USP37: variants seen among roughly 807,000 people sequenced by gnomAD.
The protein encoded by USP37 is ubiquitin carboxyl-terminal hydrolase 37.
In USP37, 27 loss-of-function variants were observed where a neutral mutation model predicts 124.0. The observed-to-expected ratio is 0.22, with a 90% CI of 0.16 to 0.30. The LOEUF (loss-of-function observed/expected upper bound fraction) is 0.30. USP37 is among the 10% of genes least tolerant of loss of function. The probability of loss-of-function intolerance (pLI) is 1.00; values close to 1 mark genes in which losing one functional copy is unlikely to be tolerated. For missense variants in USP37, 889 were observed against 1,140.4 expected (o/e 0.78, Z 3.17); for synonymous variants, 365 against 388.0 (o/e 0.94, Z 0.70).
intron 11 of USP37, among the ~76,000 whole-genome samples, chr2:218,499,340 G>C (rs1056385595): frequency 6.6e-6 from 1 of 151,992 alleles, no homozygotes; most frequent in African/African-American, 2.4e-5. Flanking sequence ...TTCCAGAAGA[G>C]ATGCAAAAAT....
At chr2:218,566,920 A>C (rs1368081925) in intron 1 of USP37, among the ~76,000 whole-genome samples, 1 of 152,126 alleles carries the variant, frequency 6.6e-6, no homozygotes, top group Non-Finnish European at 1.5e-5. Flanking sequence ...GAGAAGAAAG[A>C]ATTTCGATAT....
chr2:218,513,243 T>C (rs776830953), intron 10 of USP37, among the ~76,000 whole-genome samples: 1 of 152,022 alleles, frequency 6.6e-6, no homozygotes. Context: ...TGTTGACCAG[T>C]TGGTCTCAAA....
At chr2:218,465,091 G>C (rs1295675393) in intron 21 of USP37, among the ~76,000 whole-genome samples, 1 of 151,072 alleles carries the variant, frequency 6.6e-6, no homozygotes, top group Non-Finnish European at 1.5e-5. Flanking sequence ...TAAATAAACA[G>C]GAAGACAGAT....
Position 218,556,503 on chromosome 2 carries a change from G to GTTTTT in USP37, c.156+1990_156+1994dup, listed in dbSNP as rs34907421. On this transcript the variant is annotated intron_variant, in intron 4 of 25. Transcript: ENST00000258399. ...GTATTTGGTTACTCTGGGTTTTTCT[G>GTTTTT]TTTTTTTTTTTTTTTTTTTTTTTTT... Among the ~76,000 whole-genome samples, 10 of 53,826 alleles carry GTTTTT rather than the reference G, an allele frequency of 1.9e-4. 3 individuals carry two copies. The highest frequency in any genetic ancestry group is 3.0e-4 in the African/African-American group (5 of 16,684). 35.3% of individuals were successfully genotyped at this position (53,826 alleles called of 152,430 possible). A position where few individuals can be genotyped will look rare whatever the true frequency, so the allele number is the denominator to read the frequency against.
chr2:218,543,517 A>C (rs1473521017), intron 8 of USP37, among the ~76,000 whole-genome samples: 12 of 150,160 alleles, frequency 8.0e-5, no homozygotes, highest in Non-Finnish European at 1.2e-4. Flanking sequence ...AAAAAAAAAA[A>C]AAAAAAAAAA....
At chr2:218,556,986 A>G (rs1263891143) in intron 4 of USP37, among the ~76,000 whole-genome samples, 6 of 152,158 alleles carry the variant, frequency 3.9e-5, no homozygotes, top group Admixed American at 3.3e-4. Context: ...CCTCAACCTT[A>G]TAAGTAGCTG....
rs1691304711 is a variant in USP37, at chr2:218,482,189, G to C, written c.1716C>G (p.Leu572=). 2 of 1,613,862 alleles carry C rather than the reference G, an allele frequency of 1.2e-6. No individual in the cohort carries two copies. Among genetic ancestry groups the C allele is most frequent in the Non-Finnish European group, 1.7e-6 (2 of 1,179,916 alleles). Residue 572 remains leucine (L), a synonymous_variant, in exon 17 of 26, where the codon CTC becomes CTG. Coordinates refer to ENST00000258399, the MANE Select transcript of USP37 (RefSeq NM_020935.3). ...HLKRYSFNVA[L]SLNNKIGQQV... ...GCTGCCCAATCTTATTGTTAAGCGA[G>C]AGAGCCACATTGAAGCTATATCGTT...
intron 20 of USP37, among the ~76,000 whole-genome samples, chr2:218,468,422 C>T (rs1690489464): frequency 6.6e-6 from 1 of 151,736 alleles, no homozygotes; most frequent in African/African-American, 2.4e-5. Context: ...GGGGTTTCAC[C>T]ATGTTGGTCA....
At chr2:218,460,400 G>A (rs1301421796) in intron 22 of USP37, among the ~76,000 whole-genome samples, 4 of 152,088 alleles carry the variant, frequency 2.6e-5, no homozygotes, top group African/African-American at 4.8e-5. Context: ...TGGGGAACAC[G>A]GGAGACATGG....
Position 218,474,755 on chromosome 2 carries a change from C to T in USP37, c.2174G>A (p.Ser725Asn). 6.2e-7 allele frequency: 1 copy of T among 1,614,146 alleles called. No individual in the cohort carries two copies. The highest frequency in any genetic ancestry group is 8.5e-7 in the Non-Finnish European group (1 of 1,180,030). Residue 725 changes from serine (S) to asparagine (N), a missense_variant, in exon 20 of 26, where the codon AGT becomes AAT. Coordinates refer to ENST00000258399, the MANE Select transcript of USP37 (RefSeq NM_020935.3). ...AGTTGGCTTATCATCATCTTCATGA[C>T]TCAGAGATGGTGAAGCATCTCTCTT... is the stretch of plus-strand genomic sequence containing the variant. ...ISKRDASPSL[S>N]HEDDDKPTSS...
In USP37 at chr2:218,497,865, A is replaced by G. The variant is rs1559187281; in HGVS notation, c.1158-8T>C. On this transcript the variant is annotated splice_polypyrimidine_tract_variant and splice_region_variant and intron_variant, in intron 12 of 25. Transcript: ENST00000258399. ...AGCAAGTGTGCAAAGCGTCTAGTAAAACAAAAAACACAAAGTTAGCACGTT... is the reference window on the plus strand; with the variant it reads ...AGCAAGTGTGCAAAGCGTCTAGTAAGACAAAAAACACAAAGTTAGCACGTT... 1 of 1,610,594 alleles carries G rather than the reference A, an allele frequency of 6.2e-7. No individual in the cohort carries two copies. The highest frequency in any genetic ancestry group is 2.2e-5 in the East Asian group (1 of 44,844).
At chr2:218,534,837 A>G in intron 8 of USP37, 131 bp from the exon 9 acceptor site, 1 of 472,196 alleles carries the variant, frequency 2.1e-6, no homozygotes. Context: ...ATTAAGCTAC[A>G]AGATTGTTAG....
chr2:218,476,708 G>T, intron 19 of USP37, 132 bp downstream of exon 19: 1 of 1,040,174 alleles, frequency 9.6e-7, no homozygotes, highest in South Asian at 2.6e-5. Context: ...TCTGTAAACA[G>T]ACTGATTTCT....
chr2:218,489,730 G>C (rs917794483), intron 14 of USP37, among the ~76,000 whole-genome samples: 3 of 151,798 alleles, frequency 2.0e-5, no homozygotes, highest in Non-Finnish European at 4.4e-5. Context: ...CACCTGCCTC[G>C]GCCTCCCAAA....
chr2:218,459,852 C>T lies in USP37; in HGVS notation c.2581G>A (p.Glu861Lys). The change falls in exon 23 of 26, where the codon GAG becomes AAG. Residue 861 changes from glutamate (E) to lysine (K), a missense_variant. Physicochemically the swap from Glu to Lys is moderately conservative, Grantham distance 56. Transcript: ENST00000258399. Reference protein sequence around the residue: ...ALGSDEDSGNEDVFDMEYTEA... With the variant: ...ALGSDEDSGNKDVFDMEYTEA... Reference sequence around the variant, plus strand: ...GTGTACTCCATATCAAAAACATCCTCATTTCCAGAGTCCTCATCAGAACCC... The same window carrying T: ...GTGTACTCCATATCAAAAACATCCTTATTTCCAGAGTCCTCATCAGAACCC... The T allele has an allele frequency of 6.2e-7, 1 of 1,613,958 alleles. No homozygotes were observed. The highest frequency in any genetic ancestry group is 8.5e-7 in the Non-Finnish European group (1 of 1,179,916).
At chr2:218,556,456 T>C (rs980867282) in intron 4 of USP37, among the ~76,000 whole-genome samples, 1 of 151,380 alleles carries the variant, frequency 6.6e-6, no homozygotes, top group Admixed American at 6.6e-5. Context: ...AGGATCTTTG[T>C]AATGTTTTTA....
intron 10 of USP37, among the ~76,000 whole-genome samples, chr2:218,527,703 G>C (rs1020548563): frequency 6.6e-6 from 1 of 152,118 alleles, no homozygotes; most frequent in Non-Finnish European, 1.5e-5. Flanking sequence ...TTAAAACTTA[G>C]ATTTAAGATT....
intron 10 of USP37, among the ~76,000 whole-genome samples, chr2:218,511,553 G>A (rs1689998915): frequency 1.3e-5 from 2 of 151,856 alleles, no homozygotes; most frequent in South Asian, 2.1e-4. Context: ...CAGGTGACCT[G>A]CCCGCCTCGG....
In USP37 at chr2:218,453,673, G is replaced by A. The variant is rs755415130; in HGVS notation, c.*1257C>T. 5 of 152,036 alleles carry A rather than the reference G, an allele frequency of 3.3e-5. No homozygotes were observed. The highest frequency in any genetic ancestry group is 5.9e-5 in the Non-Finnish European group (4 of 68,018). 9.4% of individuals were successfully genotyped at this position (152,036 alleles called of 1,614,324 possible). ...GACTAGCATAGCACTTAATGTTGCC[G>A]CTCTACTTTGCCTCAACTCAGAGCA... On this transcript the variant is annotated 3_prime_UTR_variant, in exon 26 of 26. Transcript: ENST00000258399.
Sources: gnomAD v4.1 joint callset for allele counts (sites outside exome capture counted in the v4.1 genomes callset) on GRCh38, gnomAD v4.1.1 for gene constraint, MANE v1.5 for transcripts, NCBI Gene and HGNC (gene_info 2026-07-23, HGNC 2026-07-21) for gene names.